Variants in PKP3 observed in about 807,000 individuals in gnomAD.
PKP3 encodes the protein plakophilin 3, also known as plakophilin-3.
PKP3 carries 66 observed loss-of-function variants against 76.5 expected under a neutral mutation model. The observed-to-expected ratio is 0.86, with a 90% CI of 0.71 to 1.06. PKP3 has a LOEUF of 1.06. PKP3 is among the 50% of genes least tolerant of loss of function. The probability of loss-of-function intolerance (pLI) is 0.00; values close to 1 mark genes in which losing one functional copy is unlikely to be tolerated. For missense variants in PKP3, 1,338 were observed against 1,141.0 expected, an observed-to-expected ratio of 1.17 and a Z score of -2.49; for synonymous variants, 638 against 516.5, an observed-to-expected ratio of 1.24 and a Z score of -3.19.
At position 397,246 on chromosome 11, in the gene PKP3, C is replaced by T. The variant is rs1179349265; in HGVS notation, c.745C>T (p.Arg249Trp). The change falls in exon 3 of 13, where the codon CGG becomes TGG. Residue 249 changes from arginine (R) to tryptophan (W), a missense_variant. Physicochemically the swap from Arg to Trp is moderately radical, Grantham distance 101. Transcript: ENST00000331563. ...CCGGACCATCCGTGCCCCTGCCGTG[C>T]GGACCCTGCAGCGATTCCAGAGCAG... ...PSRTIRAPAV[R>W]TLQRFQSSHR... The T allele has an allele frequency of 1.1e-5, 18 of 1,599,476 alleles. No individual in the cohort carries two copies. The highest frequency in any genetic ancestry group is 1.5e-5 in the Non-Finnish European group (18 of 1,178,304).
In PKP3 at chr11:400,388, G is replaced by A. The variant is rs949381652; in HGVS notation, c.1503G>A (p.Gly501=). The A allele has an allele frequency of 5.8e-6, 9 of 1,549,034 alleles. No homozygotes were observed. The Admixed American group carries it at 1.8e-4, about 30-fold the overall frequency. The change falls in exon 7 of 13, where the codon GGG becomes GGA. Residue 501 remains glycine, a synonymous_variant. Coordinates refer to ENST00000331563, the MANE Select transcript of PKP3 (RefSeq NM_007183.4). The part of the protein sequence containing the change: ...ATRQKMRECH[G]LVDALVTSIN... Reference sequence around the variant, plus strand: ...GCCAGAAGATGCGGGAGTGCCACGGGCTGGTGGACGCCCTGGTCACCTCTA... The same window carrying A: ...GCCAGAAGATGCGGGAGTGCCACGGACTGGTGGACGCCCTGGTCACCTCTA...
chr11:403,183 C>T lies in PKP3; in HGVS notation c.1843C>T (p.Leu615=), dbSNP rs1590360723. The T allele has an allele frequency of 6.3e-7, 1 of 1,589,126 alleles. No homozygotes were observed. Among genetic ancestry groups the T allele is most frequent in the South Asian group, 1.1e-5 (1 of 87,798 alleles). Residue 615 remains leucine (L), a synonymous_variant, in exon 9 of 13, where the codon CTG becomes TTG. Coordinates refer to ENST00000331563, the MANE Select transcript of PKP3 (RefSeq NM_007183.4). ...GATCGTGGGGCTGTACAACCGGCTG[C>T]TGCAGCGCTGCGAGCTCAACCGGCA... ...PQIVGLYNRL[L]QRCELNRHTT...
rs1169402287 is a variant in PKP3 at position 400,785 on chromosome 11, C to T, written c.1737+80C>T. ...GACCCCGGCCCCGCTCACCCCCGCC[C>T]CGCTCACCCCCGCCCCGCTCACCCC... On this transcript the variant is annotated intron_variant, in intron 8 of 12. Coordinates refer to ENST00000331563, the MANE Select transcript of PKP3 (RefSeq NM_007183.4). The T allele has an allele frequency of 6.9e-6, 5 of 723,924 alleles. No individual in the cohort carries two copies. The African/African-American group carries it at 1.0e-4, about 15-fold the overall frequency. The allele number at this position is 723,924 out of a possible 1,614,324, so 44.8% of individuals were successfully genotyped here.
chr11:394,577 G>T (rs930608924), intron 1 of PKP3, 53 bp downstream of exon 1: 27 of 1,306,990 alleles, frequency 2.1e-5, no homozygotes, highest in Non-Finnish European at 2.6e-5. Context: ...AGGTGGCTGC[G>T]GGCGGACGTG....
rs764964758 is a variant in PKP3 at position 397,305 on chromosome 11, G to C, written c.804G>C (p.Pro268=). 4 of 1,590,064 alleles carry C rather than the reference G, an allele frequency of 2.5e-6. No individual in the cohort carries two copies. The highest frequency in any genetic ancestry group is 2.6e-6 in the Non-Finnish European group (3 of 1,170,940). The part of the protein sequence containing the change: ...HRSRGVGGAV[P]GAVLEPVARA... ...GCCGCGGGGTAGGCGGGGCAGTGCC[G>C]GGGGCCGTCCTGGAGCCAGTGGCTC... Residue 268 remains proline (P), a synonymous_variant, in exon 3 of 13, where the codon CCG becomes CCC. Coordinates refer to ENST00000331563, the MANE Select transcript of PKP3 (RefSeq NM_007183.4).
rs1333384222 is a variant in PKP3 at position 399,294 on chromosome 11, A to G, written c.1273+98A>G. On this transcript the variant is annotated intron_variant, in intron 5 of 12. Transcript: ENST00000331563. ...CCCACCTGCCCCCCTCCACCTGCCC[A>G]CCATCTGCCCCCCTTCTCCACCTGC... is the stretch of plus-strand genomic sequence containing the variant. 70 of 331,348 alleles carry G rather than the reference A, an allele frequency of 2.1e-4. 1 individual carries two copies. The East Asian group carries it at 2.4e-3, about 11-fold the overall frequency. The allele number at this position is 331,348 out of a possible 1,614,324, so 20.5% of individuals were successfully genotyped here.
At chr11:395,143 G>A (rs936849106) in intron 1 of PKP3, among the ~76,000 whole-genome samples, 1 of 152,212 alleles carries the variant, frequency 6.6e-6, no homozygotes, top group Non-Finnish European at 1.5e-5. Flanking sequence ...CCCCACTCAC[G>A]CGAGTGTGTG....
intron 1 of PKP3, among the ~76,000 whole-genome samples, chr11:395,878 C>T (rs922714858): frequency 2.0e-5 from 3 of 152,222 alleles, no homozygotes; most frequent in Admixed American, 2.0e-4. Flanking sequence ...ACCATCCAAC[C>T]ATGGGACCCT....
In PKP3 at chr11:404,680, C is replaced by A; in HGVS notation, c.*111C>A. On this transcript the variant is annotated 3_prime_UTR_variant, in exon 13 of 13. Coordinates refer to ENST00000331563, the MANE Select transcript of PKP3 (RefSeq NM_007183.4). The surrounding 1 kb of genome is among the most constrained non-coding windows in gnomAD (Gnocchi z 4.2). ...GGAGAAGGCTAATGACGGAGGGGCC[C>A]CTCGCTGGGGCCCCTGTGTGCATCT... The A allele has an allele frequency of 9.4e-7, 1 of 1,062,042 alleles. No individual in the cohort carries two copies. The highest frequency in any genetic ancestry group is 1.4e-6 in the Non-Finnish European group (1 of 707,130). 65.8% of individuals were successfully genotyped at this position (1,062,042 alleles called of 1,614,324 possible). A position where few individuals can be genotyped will look rare whatever the true frequency, so the allele number is the denominator to read the frequency against.
In PKP3 at chr11:404,236, C is replaced by T. The variant is rs1564883454; in HGVS notation, c.2271C>T (p.Ser757=). Residue 757 remains serine (S), a splice_region_variant and synonymous_variant, in exon 12 of 13, where the codon AGC becomes AGT. Transcript: ENST00000331563. The surrounding 1 kb of genome is among the most constrained non-coding windows in gnomAD (Gnocchi z 4.2). ...CCTCCTGACTGCCCTCCACCCTCAG[C>T]CCCGACAGTGAGAAGTCCTCCCGGG... ...KLIFIKKKRD[S]PDSEKSSRAA... 1.2e-6 allele frequency: 2 copies of T among 1,612,366 alleles called. No homozygotes were observed. Among genetic ancestry groups the T allele is most frequent in the African/African-American group, 1.3e-5 (1 of 75,042 alleles).
In PKP3 at chr11:397,297, G is replaced by A; in HGVS notation, c.796G>A (p.Ala266Thr). The stretch of plus-strand genomic sequence containing the variant: ...CCACCGGAGCCGCGGGGTAGGCGGG[G>A]CAGTGCCGGGGGCCGTCCTGGAGCC... The part of the protein sequence containing the change: ...SSHRSRGVGG[A>T]VPGAVLEPVA... The change falls in exon 3 of 13, where the codon GCA (alanine) becomes ACA (threonine). Residue 266 changes from alanine (A) to threonine (T), a missense_variant. Physicochemically the swap from Ala to Thr is moderately conservative, Grantham distance 58 (BLOSUM62 0). Transcript: ENST00000331563. The A allele has an allele frequency of 6.3e-7, 1 of 1,592,544 alleles. No homozygotes were observed. Among genetic ancestry groups the A allele is most frequent in the Non-Finnish European group, 8.5e-7 (1 of 1,172,374 alleles).
chr11:397,633 T>C lies in PKP3; in HGVS notation c.1039T>C (p.Cys347Arg). Residue 347 changes from cysteine (C) to arginine (R), a missense_variant, in exon 4 of 13, where the codon TGC (cysteine) becomes CGC (arginine). Physicochemically the swap from Cys to Arg is radical, Grantham distance 180. Transcript: ENST00000331563. ...VLGAAYIQHK[C>R]YSDAAAKKQA... ...GGGAGCGGCCTACATCCAGCACAAGTGCTACAGCGATGCAGCCGCCAAGAA... is the reference window on the plus strand; with the variant it reads ...GGGAGCGGCCTACATCCAGCACAAGCGCTACAGCGATGCAGCCGCCAAGAA... The C allele has an allele frequency of 6.2e-7, 1 of 1,611,788 alleles. No homozygotes were observed. The highest frequency in any genetic ancestry group is 1.7e-5 in the Admixed American group (1 of 59,940).
At position 404,322 on chromosome 11, in the gene PKP3, C is replaced by T. The variant is rs540307035; in HGVS notation, c.2357C>T (p.Ala786Val). The change falls in exon 12 of 13, where the codon GCG (alanine) becomes GTG (valine). Residue 786 changes from alanine to valine, a missense_variant and splice_region_variant. Transcript: ENST00000331563. The surrounding 1 kb of genome is among the most constrained non-coding windows in gnomAD (Gnocchi z 4.2). Reference protein sequence around the residue: ...QYNKLHRDFRAKGYRKEDFLG... With the variant: ...QYNKLHRDFRVKGYRKEDFLG... ...AACAAGCTCCACCGTGACTTCCGGG[C>T]GGTACGTTTCCCGAGCCCAGGGCAA... The T allele has an allele frequency of 2.5e-5, 41 of 1,611,500 alleles. No homozygotes were observed. Among genetic ancestry groups the T allele is most frequent in the Admixed American group, 2.0e-4 (12 of 60,002 alleles).
rs1590356740 is a variant in PKP3 at position 400,076 on chromosome 11, T to G, written c.1383T>G (p.Gly461=). Residue 461 remains glycine (G), a synonymous_variant, in exon 6 of 13, where the codon GGT becomes GGG. Transcript: ENST00000331563. ...LVLSPLSGAG[G]PPLIQQNASE... The stretch of plus-strand genomic sequence containing the variant: ...TGAGCCCCCTGTCGGGGGCTGGGGG[T>G]CCCCCCCTCATCCAGCAGAACGCCT... 6.3e-7 allele frequency: 1 copy of G among 1,595,250 alleles called. No individual in the cohort carries two copies. The highest frequency in any genetic ancestry group is 8.5e-7 in the Non-Finnish European group (1 of 1,172,882).
chr11:399,261 C>A, intron 5 of PKP3, 65 bp downstream of exon 5: 2 of 1,021,892 alleles, frequency 2.0e-6, no homozygotes, highest in South Asian at 1.8e-5. Context: ...ATCCCCCCTG[C>A]CTTCCTCCCC....
chr11:400,813 C>A (rs1428471073), intron 8 of PKP3, 108 bp downstream of exon 8: 1 of 417,596 alleles, frequency 2.4e-6, no homozygotes, highest in Non-Finnish European at 3.3e-6. Flanking sequence ...CTCACCCCGC[C>A]CCGCTCACCC....
In PKP3 at chr11:400,624, T is replaced by G. The variant is rs1847138453; in HGVS notation, c.1656T>G (p.Gly552=). The G allele has an allele frequency of 1.4e-5, 20 of 1,419,474 alleles. No individual in the cohort carries two copies. Among genetic ancestry groups the G allele is most frequent in the Non-Finnish European group, 1.7e-5 (19 of 1,095,824 alleles). 87.9% of individuals were successfully genotyped at this position (1,419,474 alleles called of 1,614,324 possible). A position where few individuals can be genotyped will look rare whatever the true frequency, so the allele number is the denominator to read the frequency against. Residue 552 remains glycine (G), a synonymous_variant, in exon 8 of 13, where the codon GGT becomes GGG. Coordinates refer to ENST00000331563, the MANE Select transcript of PKP3 (RefSeq NM_007183.4). ...CGTCCGCGCTGCAGCGGCTGGAGGG[T>G]CGCGGCCGCAGGGACCTGGCGGGGG... ...MPPSALQRLE[G]RGRRDLAGAP...
rs754554371 is a variant in PKP3 at position 396,971 on chromosome 11, T to TGCCCACCAG, written c.475_483dup (p.Thr159_Pro161dup). On this transcript the variant is annotated inframe_insertion, in exon 3 of 13. Transcript: ENST00000331563. ...GGGGGTGCCCAGCCCACCCCTCCCA[T>TGCCCACCAG]GCCCACCAGGCCCGTGTCCTTCCAT... The TGCCCACCAG allele has an allele frequency of 6.5e-7, 1 of 1,543,498 alleles. No homozygotes were observed. Among genetic ancestry groups the TGCCCACCAG allele is most frequent in the South Asian group, 1.1e-5 (1 of 89,536 alleles).
intron 9 of PKP3, 98 bp downstream of exon 9, chr11:403,361 C>A: frequency 9.2e-7 from 1 of 1,091,558 alleles, no homozygotes; most frequent in East Asian, 2.6e-5. Context: ...AGGGGACGCC[C>A]AGGGTCCGCG....
Sources: allele counts gnomAD v4.1 joint callset (sites outside exome capture counted in the v4.1 genomes callset), GRCh38; gene constraint gnomAD v4.1.1; non-coding constraint Gnocchi (gnomAD v3.1); transcripts MANE v1.5; gene names NCBI Gene and HGNC (gene_info 2026-07-23, HGNC 2026-07-21).